The following LYZL4 variants were observed in gnomAD, a reference collection of about 807,000 sequenced individuals.
LYZL4 encodes the protein lysozyme-like protein 4.
LYZL4 carries 13 observed loss-of-function variants against 17.6 expected under a neutral mutation model. The observed-to-expected ratio is 0.74, with a 90% confidence interval of 0.48 to 1.18. LYZL4 has a LOEUF of 1.18. Among genes scored for constraint, LYZL4 ranks in the 50% most tolerant of loss-of-function variants. The probability of loss-of-function intolerance (pLI) is 0.00; values close to 1 mark genes in which losing one functional copy is unlikely to be tolerated. For synonymous variants in LYZL4, 64 were observed against 67.7 expected, an observed-to-expected ratio of 0.95 and a Z score of 0.27; for missense variants, 174 against 188.2, an observed-to-expected ratio of 0.92 and a Z score of 0.44.
rs188074782 is a variant in LYZL4 at position 42,398,777 on chromosome 3, G to A, written c.372-1443C>T. On this transcript the variant is annotated intron_variant, in intron 4 of 4. Transcript: ENST00000287748. Reference sequence around the variant, plus strand: ...GTAATACATGGCTTACAATTTTGGCGTACAAAAGACCTTTCTAAGAAAGAG... The same window carrying A: ...GTAATACATGGCTTACAATTTTGGCATACAAAAGACCTTTCTAAGAAAGAG... 3.5e-3 allele frequency among the ~76,000 whole-genome samples: 529 copies of A among 152,058 alleles called. 4 individuals carry two copies. The highest frequency in any genetic ancestry group is 6.5e-3 in the Admixed American group (100 of 15,286).
downstream of LYZL4, among the ~76,000 whole-genome samples, chr3:42,395,317 T>C (rs569486165): frequency 2.6e-5 from 4 of 152,238 alleles, no homozygotes; most frequent in Non-Finnish European, 5.9e-5. Context: ...TTACAAAGAG[T>C]AACAATAAAG....
chr3:42,361,617 C>T, the LYZL4 span, among the ~76,000 whole-genome samples: 1 of 151,696 alleles, frequency 6.6e-6, no homozygotes, highest in Admixed American at 6.6e-5. Context: ...GTTGTTCCAG[C>T]TATTTGTCAG....
chr3:42,385,575 C>T, the LYZL4 span, among the ~76,000 whole-genome samples: 3 of 152,152 alleles, frequency 2.0e-5, no homozygotes, highest in South Asian at 6.2e-4. Context: ...TAAGGCATGC[C>T]TGTAAATAAA....
At chr3:42,393,334 C>T (rs930061007), downstream of LYZL4, among the ~76,000 whole-genome samples, 19 of 140,242 alleles carry the variant, frequency 1.4e-4, no homozygotes, top group East Asian at 1.1e-3. Flanking sequence ...GACGTGTGCG[C>T]GTGCACACAC....
chr3:42,407,869 C>T (rs1698787102), intron 1 of LYZL4, among the ~76,000 whole-genome samples: 1 of 152,098 alleles, frequency 6.6e-6, no homozygotes, highest in Admixed American at 6.5e-5. Context: ...CTGAGTTTTT[C>T]CCTGCCGTCC....
chr3:42,386,395 G>A, the LYZL4 span, among the ~76,000 whole-genome samples: 1 of 107,462 alleles, frequency 9.3e-6, no homozygotes, highest in Non-Finnish European at 1.9e-5. Flanking sequence ...GAGCCACCAC[G>A]CCCCCCCCCC....
chr3:42,406,721 G>A (rs1698760721), intron 3 of LYZL4, 125 bp downstream of exon 3: 2 of 1,223,238 alleles, frequency 1.6e-6, no homozygotes, highest in African/African-American at 3.0e-5. Flanking sequence ...ACCCACCCTG[G>A]ATATGGCTCC....
the LYZL4 span, among the ~76,000 whole-genome samples, chr3:42,369,876 C>G: frequency 6.6e-6 from 1 of 152,164 alleles, no homozygotes; most frequent in East Asian, 1.9e-4. Context: ...TCAGTTTTAT[C>G]ACCTGGGTCT....
At chr3:42,383,867 T>C in the LYZL4 span, among the ~76,000 whole-genome samples, 10 of 152,162 alleles carry the variant, frequency 6.6e-5, no homozygotes, top group South Asian at 2.1e-4. Flanking sequence ...GGAGAAACTA[T>C]TAAATGAATG....
At chr3:42,395,751 G>A (rs1295797289), downstream of LYZL4, among the ~76,000 whole-genome samples, 2 of 152,126 alleles carry the variant, frequency 1.3e-5, no homozygotes, top group African/African-American at 2.4e-5. Context: ...TCTTTGTAAT[G>A]GTTTTTAAAA....
At chr3:42,385,758 A>G in the LYZL4 span, among the ~76,000 whole-genome samples, 9 of 152,320 alleles carry the variant, frequency 5.9e-5, no homozygotes, top group African/African-American at 2.2e-4. Flanking sequence ...GTAAAACGGT[A>G]ATACTAACAC....
chr3:42,393,525 T>C (rs1698516037), downstream of LYZL4, among the ~76,000 whole-genome samples: 1 of 152,150 alleles, frequency 6.6e-6, no homozygotes, highest in African/African-American at 2.4e-5. Context: ...CCAGGGTCAC[T>C]CACTTTGTTG....
rs1274910017 is a variant in LYZL4 at position 42,407,225 on chromosome 3, G to A, written c.27C>T (p.Leu9=). 12 of 1,614,190 alleles carry A rather than the reference G, an allele frequency of 7.4e-6. No homozygotes were observed. The highest frequency in any genetic ancestry group is 1.1e-5 in the South Asian group (1 of 91,076). Residue 9 remains leucine, a synonymous_variant, in exon 2 of 5, where the codon CTC becomes CTT. Coordinates refer to ENST00000287748, the MANE Select transcript of LYZL4 (RefSeq NM_144634.4). MKASVVLS[L]LGYLVVPSGA... ...CACTTGGAACCACCAGGTAGCCAAGGAGGGAGAGAACCACGGATGCCTTCA... is the reference window on the plus strand; with the variant it reads ...CACTTGGAACCACCAGGTAGCCAAGAAGGGAGAGAACCACGGATGCCTTCA...
chr3:42,392,021 C>A, the LYZL4 span, among the ~76,000 whole-genome samples: 1 of 152,110 alleles, frequency 6.6e-6, no homozygotes, highest in Non-Finnish European at 1.5e-5. Context: ...GTGCACACCA[C>A]CACACCCAAC....
At chr3:42,371,686 G>A in the LYZL4 span, among the ~76,000 whole-genome samples, 2 of 152,174 alleles carry the variant, frequency 1.3e-5, no homozygotes, top group South Asian at 2.1e-4. Flanking sequence ...CAGTTGATGG[G>A]ACCACAATGG....
At chr3:42,389,631 A>G in the LYZL4 span, among the ~76,000 whole-genome samples, 805 of 152,310 alleles carry the variant, frequency 5.3e-3, 10 homozygotes, top group African/African-American at 0.019. Context: ...CCTCGCTCCT[A>G]GGGCTGACTG....
the LYZL4 span, among the ~76,000 whole-genome samples, chr3:42,366,298 C>A: frequency 6.6e-5 from 10 of 152,166 alleles, no homozygotes; most frequent in African/African-American, 2.4e-4. Flanking sequence ...CCTTGTGAGG[C>A]CCCAGCCTTG....
intron 4 of LYZL4, among the ~76,000 whole-genome samples, chr3:42,401,136 A>T (rs1426934341): frequency 6.6e-6 from 1 of 152,226 alleles, no homozygotes; most frequent in Non-Finnish European, 1.5e-5. Context: ...AAGGAAGGGT[A>T]AAGAGGATAA....
At chr3:42,386,224 T>C in the LYZL4 span, among the ~76,000 whole-genome samples, 1 of 152,156 alleles carries the variant, frequency 6.6e-6, no homozygotes, top group South Asian at 2.1e-4. Context: ...TGCCTCAGCC[T>C]CCTGAGCAGC....
Sources: gnomAD v4.1 joint callset for allele counts (sites outside exome capture counted in the v4.1 genomes callset) on GRCh38, gnomAD v4.1.1 for gene constraint, MANE v1.5 for transcripts, NCBI Gene and HGNC (gene_info 2026-07-23, HGNC 2026-07-21) for gene names.